The following KCNQ5 variants were observed in gnomAD, a reference collection of about 807,000 sequenced individuals.
The protein encoded by KCNQ5 is potassium voltage-gated channel subfamily Q member 5, also known as potassium voltage-gated channel subfamily KQT member 5.
KCNQ5 carries 30 observed loss-of-function variants against 98.2 expected under a neutral mutation model. The observed-to-expected ratio is 0.31, with a 90% confidence interval of 0.23 to 0.41. The LOEUF (loss-of-function observed/expected upper bound fraction) is 0.41, where lower values mean the gene tolerates loss of function less well. Ranked by LOEUF, KCNQ5 falls within the 10% of genes least tolerant of loss-of-function variation. The probability of loss-of-function intolerance (pLI) is 1.00; values close to 1 mark genes in which losing one functional copy is unlikely to be tolerated. For synonymous variants in KCNQ5, 458 were observed against 449.4 expected (o/e 1.02, Z -0.24); for missense variants, 835 against 1,182.5 (o/e 0.71, Z 4.31).
chr6:72,629,313 C>T (rs568243432), intron 1 of KCNQ5, among the ~76,000 whole-genome samples: 1 of 152,252 alleles, frequency 6.6e-6, no homozygotes, highest in East Asian at 1.9e-4. Context: ...TTTAAAAAAT[C>T]ACTGATTTCT....
At chr6:72,950,250 A>G (rs1412614916) in intron 1 of KCNQ5, among the ~76,000 whole-genome samples, 1 of 152,164 alleles carries the variant, frequency 6.6e-6, no homozygotes, top group African/African-American at 2.4e-5. Flanking sequence ...ATTCAGTATC[A>G]TTTCTTCATG....
chr6:72,824,505 T>C (rs1775899422), intron 1 of KCNQ5, among the ~76,000 whole-genome samples: 1 of 152,142 alleles, frequency 6.6e-6, no homozygotes, highest in Admixed American at 6.6e-5. Flanking sequence ...TTCTATTGCC[T>C]GAGTAATTTA....
At chr6:72,897,125 C>T (rs1779284543) in intron 1 of KCNQ5, among the ~76,000 whole-genome samples, 1 of 151,842 alleles carries the variant, frequency 6.6e-6, no homozygotes, top group South Asian at 2.1e-4. Flanking sequence ...GTACTCCAGG[C>T]ATAGAAGGAG....
intron 11 of KCNQ5, among the ~76,000 whole-genome samples, chr6:73,182,594 T>C (rs79133156): frequency 0.019 from 2,958 of 152,280 alleles, 80 homozygotes; most frequent in African/African-American, 0.067. Context: ...AATTGAAGAA[T>C]TGAAAGACCT....
At chr6:72,665,657 A>G (rs753539163) in intron 1 of KCNQ5, among the ~76,000 whole-genome samples, 8 of 152,188 alleles carry the variant, frequency 5.3e-5, no homozygotes, top group East Asian at 1.9e-4. Flanking sequence ...TTCTTTCCAT[A>G]TAACTATATT....
At position 72,867,949 on chromosome 6, in the gene KCNQ5, ATACTAC is replaced by A. The variant is rs57209403; in HGVS notation, c.399-135941_399-135936del. Among the ~76,000 whole-genome samples, 362 of 147,364 alleles carry A rather than the reference ATACTAC, an allele frequency of 2.5e-3. 1 individual carries two copies. Among genetic ancestry groups the A allele is most frequent in the African/African-American group, 8.6e-3 (337 of 39,238 alleles). On this transcript the variant is annotated intron_variant, in intron 1 of 13. Coordinates refer to ENST00000370398, the MANE Select transcript of KCNQ5 (RefSeq NM_019842.4). ...TCTAAAAATAATACTAATAATACTA[ATACTAC>A]TACTACTACTACTACTAATAATAAT...
chr6:72,753,542 T>A (rs955018001), intron 1 of KCNQ5, among the ~76,000 whole-genome samples: 23 of 152,142 alleles, frequency 1.5e-4, no homozygotes, highest in African/African-American at 5.5e-4. Context: ...TGTACCATTT[T>A]ACATTCTCTT....
intron 1 of KCNQ5, among the ~76,000 whole-genome samples, chr6:72,829,481 C>T (rs1278865592): frequency 6.6e-6 from 1 of 151,872 alleles, no homozygotes; most frequent in African/African-American, 2.4e-5. Flanking sequence ...AATGACTTTA[C>T]CATGGTATTA....
intron 1 of KCNQ5, among the ~76,000 whole-genome samples, chr6:72,772,386 G>C (rs1772943214): frequency 6.6e-6 from 1 of 152,122 alleles, no homozygotes; most frequent in Non-Finnish European, 1.5e-5. Flanking sequence ...AAGTTTTAGA[G>C]AGTGGACAGC....
chr6:72,929,418 G>C (rs1425595597), intron 1 of KCNQ5, among the ~76,000 whole-genome samples: 1 of 152,048 alleles, frequency 6.6e-6, no homozygotes, highest in Non-Finnish European at 1.5e-5. Flanking sequence ...TCAGTTGTCT[G>C]GGCACATGGA....
intron 3 of KCNQ5, chr6:73,043,202 C>A: frequency 5.2e-6 from 2 of 386,714 alleles, no homozygotes; most frequent in Middle Eastern, 3.7e-4. Context: ...TTATTCCATA[C>A]TTCTTTCATA....
At chr6:73,098,653 C>A (rs1473793248) in intron 5 of KCNQ5, among the ~76,000 whole-genome samples, 3 of 151,910 alleles carry the variant, frequency 2.0e-5, no homozygotes, top group Non-Finnish European at 2.9e-5. Flanking sequence ...GTATATCTGG[C>A]AAAAATAGCC....
chr6:72,744,670 G>T (rs1314850915), intron 1 of KCNQ5, among the ~76,000 whole-genome samples: 2 of 152,102 alleles, frequency 1.3e-5, no homozygotes, highest in Admixed American at 6.6e-5. Flanking sequence ...AATTAACTGG[G>T]TGTGGTGGTG....
intron 10 of KCNQ5, among the ~76,000 whole-genome samples, chr6:73,159,896 G>A (rs916577238): frequency 2.0e-5 from 3 of 152,166 alleles, no homozygotes; most frequent in African/African-American, 7.2e-5. Context: ...CATGATCAAA[G>A]CTGCCAGCTC....
At chr6:72,734,017 A>G (rs1198672231) in intron 1 of KCNQ5, among the ~76,000 whole-genome samples, 4 of 152,234 alleles carry the variant, frequency 2.6e-5, no homozygotes, top group Non-Finnish European at 5.9e-5. Flanking sequence ...AGGAAGGACA[A>G]GAGACTTGTT....
At chr6:72,831,581 G>C (rs117249361) in intron 1 of KCNQ5, among the ~76,000 whole-genome samples, 9,181 of 147,716 alleles carry the variant, frequency 0.062, 399 homozygotes, top group Middle Eastern at 0.092. Context: ...GCCTGTCGTG[G>C]GATGCAGGGA....
intron 1 of KCNQ5, chr6:72,986,652 C>A: frequency 1.3e-6 from 1 of 789,022 alleles, no homozygotes; most frequent in Non-Finnish European, 2.1e-6. Context: ...TCACCCAATC[C>A]CAGGAAGCAG....
intron 1 of KCNQ5, among the ~76,000 whole-genome samples, chr6:72,983,835 T>A (rs897712913): frequency 6.6e-6 from 1 of 152,240 alleles, no homozygotes; most frequent in African/African-American, 2.4e-5. Context: ...TCTTTGATGA[T>A]GGTGATCTAC....
At position 72,864,501 on chromosome 6, in the gene KCNQ5, T is replaced by C. The variant is rs1935519; in HGVS notation, c.399-139407T>C. Among the ~76,000 whole-genome samples the C allele has an allele frequency of 5.9e-3, 895 of 152,226 alleles. 21 individuals carry two copies. Among genetic ancestry groups the C allele is most frequent in the East Asian group, 0.056 (289 of 5,182 alleles). On this transcript the variant is annotated intron_variant, in intron 1 of 13. Coordinates refer to ENST00000370398, the MANE Select transcript of KCNQ5 (RefSeq NM_019842.4). ...CACTTGTTTTTTCTTTATCTCATTT[T>C]CCCCCACTGTGGAATTAGCCTGGTT...
Sources: allele counts gnomAD v4.1 joint callset (sites outside exome capture counted in the v4.1 genomes callset), GRCh38; gene constraint gnomAD v4.1.1; transcripts MANE v1.5; gene names NCBI Gene and HGNC (gene_info 2026-07-23, HGNC 2026-07-21).